Variants in PKD2 observed in about 807,000 individuals in gnomAD.
PKD2 encodes polycystin 2, transient receptor potential cation channel, also known as polycystin-2.
PKD2 carries 48 observed loss-of-function variants against 105.9 expected under a neutral mutation model. The ratio of observed to expected loss-of-function variants is 0.45; its 90% CI spans 0.36 to 0.58. The LOEUF (loss-of-function observed/expected upper bound fraction) is 0.58. PKD2 is among the 20% of genes least tolerant of loss of function. PKD2 has a pLI of 0.00. For missense variants in PKD2, 1,078 were observed against 1,255.3 expected, an observed-to-expected ratio of 0.86 and a Z score of 2.13; for synonymous variants, 464 against 481.1, an observed-to-expected ratio of 0.96 and a Z score of 0.46.
chr4:88,024,383 G>T (rs1003506340), intron 2 of PKD2, among the ~76,000 whole-genome samples: 3 of 144,964 alleles, frequency 2.1e-5, no homozygotes, highest in Non-Finnish European at 4.5e-5. Context: ...CTTGAACCTG[G>T]GAAGCAGAGG....
chr4:88,010,262 A>G (rs1327843113), intron 1 of PKD2, among the ~76,000 whole-genome samples: 1 of 152,182 alleles, frequency 6.6e-6, no homozygotes, highest in African/African-American at 2.4e-5. Flanking sequence ...TCCTAGCTGA[A>G]AAGTTTTAAT....
In PKD2 at chr4:88,008,047, G is replaced by T; in HGVS notation, c.314G>T (p.Gly105Val). The change falls in exon 1 of 15, where the codon GGG becomes GTG. Residue 105 changes from glycine to valine, a missense_variant. Coordinates refer to ENST00000237596, the MANE Select transcript of PKD2 (RefSeq NM_000297.4). The part of the protein sequence containing the change: ...EAEEEEEEVE[G>V]EEGGMVVEMD... The stretch of plus-strand genomic sequence containing the variant: ...GAGGAGGAGGAGGAGGAGGTGGAAG[G>T]GGAAGAAGGCGGAATGGTGGTGGAG... The T allele has an allele frequency of 6.6e-7, 1 of 1,521,740 alleles. No individual in the cohort carries two copies. Among genetic ancestry groups the T allele is most frequent in the Non-Finnish European group, 8.8e-7 (1 of 1,139,668 alleles). 94.3% of individuals were successfully genotyped at this position (1,521,740 alleles called of 1,614,324 possible).
chr4:88,011,901 G>C (rs549557957), intron 1 of PKD2, among the ~76,000 whole-genome samples: 1 of 147,370 alleles, frequency 6.8e-6, no homozygotes, highest in African/African-American at 2.6e-5. Flanking sequence ...AATGGGGGGG[G>C]GGGGGAGGGG....
intron 12 of PKD2, 50 bp from the exon 13 acceptor site, chr4:88,067,848 T>C (rs756940323): frequency 2.6e-6 from 4 of 1,556,928 alleles, no homozygotes; most frequent in Non-Finnish European, 3.5e-6. Context: ...GTGAGGCTTC[T>C]GTGGGGTCTC....
At chr4:88,074,155 T>C (rs1209996584) in intron 13 of PKD2, among the ~76,000 whole-genome samples, 1 of 152,164 alleles carries the variant, frequency 6.6e-6, no homozygotes, top group African/African-American at 2.4e-5. Flanking sequence ...GTTTGTTTGT[T>C]TTTGAGACTG....
intron 13 of PKD2, among the ~76,000 whole-genome samples, chr4:88,069,864 C>T (rs1720949712): frequency 6.6e-6 from 1 of 152,082 alleles, no homozygotes; most frequent in African/African-American, 2.4e-5. Context: ...CTATTATTGT[C>T]AAATATATTA....
intron 7 of PKD2, among the ~76,000 whole-genome samples, chr4:88,055,170 A>G (rs1181534164): frequency 6.6e-6 from 1 of 152,210 alleles, no homozygotes; most frequent in Non-Finnish European, 1.5e-5. Context: ...CAGGCAGGGC[A>G]GCTGGCTGCA....
intron 2 of PKD2, among the ~76,000 whole-genome samples, chr4:88,033,540 G>T (rs899906785): frequency 6.6e-6 from 1 of 152,024 alleles, no homozygotes. Flanking sequence ...GCTTGCCCTT[G>T]GTGAAGCTAT....
At chr4:88,029,115 G>A (rs924352722) in intron 2 of PKD2, among the ~76,000 whole-genome samples, 10 of 152,216 alleles carry the variant, frequency 6.6e-5, no homozygotes, top group Middle Eastern at 3.4e-3. Flanking sequence ...CCAAGGTCAC[G>A]GGGGATGGCT....
chr4:88,035,142 A>C (rs190608666), intron 2 of PKD2, among the ~76,000 whole-genome samples: 106 of 152,352 alleles, frequency 7.0e-4, no homozygotes, highest in African/African-American at 2.5e-3. Context: ...CAGAAAGTTT[A>C]AGCAACTTGC....
intron 1 of PKD2, 32 bp from the exon 2 acceptor site, chr4:88,019,421 AATGAT>A (rs1387502320): frequency 1.4e-5 from 15 of 1,063,250 alleles, no homozygotes; most frequent in Non-Finnish European, 2.2e-5. Context: ...TCTTAAATAA[AATGAT>A]ATCTTTTCTT....
At position 88,076,160 on chromosome 4, in the gene PKD2, A is replaced by G. The variant is rs1272912498; in HGVS notation, c.*466A>G. The G allele has an allele frequency of 6.3e-6, 1 of 157,742 alleles. No homozygotes were observed. Among genetic ancestry groups the G allele is most frequent in the Non-Finnish European group, 1.4e-5 (1 of 71,244 alleles). The allele number at this position is 157,742 out of a possible 1,614,324, so 9.8% of individuals were successfully genotyped here. A position where few individuals can be genotyped will look rare whatever the true frequency, so the allele number is the denominator to read the frequency against. ...CTTAATACATAGCTTTCTTTTAAGA[A>G]AGGAGCCTTTTTTTTCAACTAGCTT... is the stretch of plus-strand genomic sequence containing the variant. On this transcript the variant is annotated 3_prime_UTR_variant, in exon 15 of 15. Coordinates refer to ENST00000237596, the MANE Select transcript of PKD2 (RefSeq NM_000297.4).
chr4:88,035,166 C>T (rs902700215), intron 2 of PKD2, among the ~76,000 whole-genome samples: 2 of 152,182 alleles, frequency 1.3e-5, no homozygotes, highest in Non-Finnish European at 2.9e-5. Flanking sequence ...GGTCACATAG[C>T]AAGTAAGGAG....
rs1033088416 is a variant in PKD2 at position 88,075,937 on chromosome 4, G to C, written c.*243G>C. ...TTGAGTACAGAAAAAAAATCTTCAT[G>C]ATGTGTATTGAGCGGTACGCCCAGT... is the stretch of plus-strand genomic sequence containing the variant. On this transcript the variant is annotated 3_prime_UTR_variant, in exon 15 of 15. Transcript: ENST00000237596. 4 of 514,026 alleles carry C rather than the reference G, an allele frequency of 7.8e-6. No individual in the cohort carries two copies. Among genetic ancestry groups the C allele is most frequent in the Admixed American group, 6.4e-5 (2 of 31,194 alleles). The allele number at this position is 514,026 out of a possible 1,614,324, so 31.8% of individuals were successfully genotyped here.
intron 9 of PKD2, among the ~76,000 whole-genome samples, chr4:88,060,174 C>T (rs1346907432): frequency 2.0e-5 from 3 of 152,162 alleles, no homozygotes; most frequent in Admixed American, 2.0e-4. Context: ...CATTAGTTAA[C>T]AGCCACTTGG....
intron 8 of PKD2, among the ~76,000 whole-genome samples, chr4:88,056,932 T>C (rs773330432): frequency 2.0e-4 from 30 of 152,184 alleles, no homozygotes; most frequent in Non-Finnish European, 3.5e-4. Context: ...TGTCAGAATA[T>C]TGGATCTTTG....
chr4:88,019,156 T>G (rs1461608924), intron 1 of PKD2, among the ~76,000 whole-genome samples: 1 of 152,246 alleles, frequency 6.6e-6, no homozygotes, highest in Non-Finnish European at 1.5e-5. Flanking sequence ...CCTTATTTCC[T>G]GTTCTCTTTT....
In PKD2 at chr4:88,024,100, T is replaced by C. The variant is rs367752682; in HGVS notation, c.709+4529T>C. Among the ~76,000 whole-genome samples, 33 of 152,252 alleles carry C rather than the reference T, an allele frequency of 2.2e-4. No individual in the cohort carries two copies. The South Asian group carries it at 6.6e-3, about 31-fold the overall frequency. ...GGGTTACTGTTATAAATAGCAATAG[T>C]ATTGCTATTGTGTGAGTTAGGTGTT... On this transcript the variant is annotated intron_variant, in intron 2 of 14. Coordinates refer to ENST00000237596, the MANE Select transcript of PKD2 (RefSeq NM_000297.4).
rs1025748026 is a variant in PKD2, at chr4:88,013,756, A to T, written c.595+5428A>T. Among the ~76,000 whole-genome samples, 12 of 152,006 alleles carry T rather than the reference A, an allele frequency of 7.9e-5. No homozygotes were observed. In the East Asian group the frequency reaches 2.3e-3, roughly 29 times the overall value. On this transcript the variant is annotated intron_variant, in intron 1 of 14. Coordinates refer to ENST00000237596, the MANE Select transcript of PKD2 (RefSeq NM_000297.4). The stretch of plus-strand genomic sequence containing the variant: ...TCAGATTTACCTGGAGAGGTCAGAG[A>T]AGGTTTCCAGAGGGAGTAAAACTTG...
Sources: gnomAD v4.1 joint callset for allele counts (sites outside exome capture counted in the v4.1 genomes callset) on GRCh38, gnomAD v4.1.1 for gene constraint, MANE v1.5 for transcripts, NCBI Gene and HGNC (gene_info 2026-07-23, HGNC 2026-07-21) for gene names.